Variants in IGSF3 observed in about 807,000 individuals in gnomAD.
IGSF3 encodes the protein immunoglobulin superfamily member 3.
In IGSF3, 23 loss-of-function variants were observed where a neutral mutation model predicts 114.4. The observed-to-expected ratio is 0.20, with a 90% CI of 0.14 to 0.28. IGSF3 has a LOEUF of 0.28. IGSF3 is among the 10% of genes least tolerant of loss of function. The pLI, the probability that IGSF3 is intolerant of heterozygous loss-of-function variation, is 1.00. For missense variants in IGSF3, 1,172 were observed against 1,591.5 expected (o/e 0.74, Z 4.48); for synonymous variants, 571 against 645.2 (o/e 0.88, Z 1.74).
chr1:116,653,204 C>T (rs1307786477), intron 2 of IGSF3, among the ~76,000 whole-genome samples: 1 of 152,196 alleles, frequency 6.6e-6, no homozygotes, highest in Non-Finnish European at 1.5e-5. Flanking sequence ...ATCCCCGTTA[C>T]AGATCACAGA....
In IGSF3 at chr1:116,595,977, G is replaced by A. The variant is rs1236074009; in HGVS notation, c.2029+3964C>T. On this transcript the variant is annotated intron_variant, in intron 7 of 10. Transcript: ENST00000369486. The surrounding 1 kb of genome is among the most constrained non-coding windows in gnomAD (Gnocchi z 4.2). ...CAGACTAAGCTAGATCAATGGCAACGTTGACAGTGATGGCATTCCTTGAAG... is the reference window on the plus strand; with the variant it reads ...CAGACTAAGCTAGATCAATGGCAACATTGACAGTGATGGCATTCCTTGAAG... Among the ~76,000 whole-genome samples, 1 of 152,240 alleles carries A rather than the reference G, an allele frequency of 6.6e-6. No homozygotes were observed. The highest frequency in any genetic ancestry group is 6.5e-5 in the Admixed American group (1 of 15,286).
At position 116,593,577 on chromosome 1, in the gene IGSF3, CCT is replaced by C. The variant is rs1041594729; in HGVS notation, c.2030-4475_2030-4474del. On this transcript the variant is annotated intron_variant, in intron 7 of 10. Coordinates refer to ENST00000369486, the MANE Select transcript of IGSF3 (RefSeq NM_001007237.3). The surrounding 1 kb of genome is among the most constrained non-coding windows in gnomAD (Gnocchi z 4.5). ...GCCTGCCAGTCAAACTGTTACTACC[CCT>C]GAGTCCCTCTGTCCTTAACACCCCT... 6.6e-6 allele frequency among the ~76,000 whole-genome samples: 1 copy of C among 152,210 alleles called. No individual in the cohort carries two copies. The highest frequency in any genetic ancestry group is 2.4e-5 in the African/African-American group (1 of 41,456).
Position 116,656,364 on chromosome 1 carries a change from A to G in IGSF3, c.43+9920T>C, listed in dbSNP as rs540453181. The stretch of plus-strand genomic sequence containing the variant: ...TGCCCAGGCTGGAGTGCAGTGGCGC[A>G]ATCTCGGCTCACTGCAAGCTCCGCC... On this transcript the variant is annotated intron_variant, in intron 2 of 10. Transcript: ENST00000369486. 3.6e-5 allele frequency among the ~76,000 whole-genome samples: 5 copies of G among 139,784 alleles called. No homozygotes were observed. In the South Asian group the frequency reaches 1.1e-3, roughly 31 times the overall value. 91.7% of individuals were successfully genotyped at this position (139,784 alleles called of 152,430 possible).
intron 2 of IGSF3, among the ~76,000 whole-genome samples, chr1:116,637,273 G>A (rs2095721): frequency 6.6e-6 from 1 of 152,202 alleles, no homozygotes; most frequent in Non-Finnish European, 1.5e-5. Context: ...ACTTTGAACT[G>A]AAATTGGGCT....
At position 116,624,838 on chromosome 1, in the gene IGSF3, T is replaced by C. The variant is rs556407203; in HGVS notation, c.44-8381A>G. 1.1e-4 allele frequency among the ~76,000 whole-genome samples: 17 copies of C among 152,238 alleles called. No individual in the cohort carries two copies. Among genetic ancestry groups the C allele is most frequent in the African/African-American group, 3.4e-4 (14 of 41,536 alleles). ...ATGCTGTGAGGGGGCCCAAGGCACA[T>C]GGAGAGGCCCTGGGCAGGTGCTCCA... is the stretch of plus-strand genomic sequence containing the variant. On this transcript the variant is annotated intron_variant, in intron 2 of 10. Coordinates refer to ENST00000369486, the MANE Select transcript of IGSF3 (RefSeq NM_001007237.3). The surrounding 1 kb of genome is among the most constrained non-coding windows in gnomAD (Gnocchi z 4.9).
rs1659320974 is a variant in IGSF3, at chr1:116,575,851, T to G, written c.*1461A>C. 1 of 152,090 alleles carries G rather than the reference T, an allele frequency of 6.6e-6. No individual in the cohort carries two copies. Among genetic ancestry groups the G allele is most frequent in the South Asian group, 2.1e-4 (1 of 4,832 alleles). 9.4% of individuals were successfully genotyped at this position (152,090 alleles called of 1,614,324 possible). A position where few individuals can be genotyped will look rare whatever the true frequency, so the allele number is the denominator to read the frequency against. On this transcript the variant is annotated 3_prime_UTR_variant, in exon 11 of 11. Transcript: ENST00000369486. The surrounding 1 kb of genome is among the most constrained non-coding windows in gnomAD (Gnocchi z 5.6). Reference sequence around the variant, plus strand: ...AGCCATCATGGGGCTCAAGGGGCGTTAAAATAAAAAGCCACCATAACAATG... The same window carrying G: ...AGCCATCATGGGGCTCAAGGGGCGTGAAAATAAAAAGCCACCATAACAATG...
rs756354322 is a variant in IGSF3 at position 116,603,811 on chromosome 1, G to C, written c.1437C>G (p.Ser479Arg). 6.2e-7 allele frequency: 1 copy of C among 1,614,008 alleles called. No homozygotes were observed. Among genetic ancestry groups the C allele is most frequent in the South Asian group, 1.1e-5 (1 of 91,080 alleles). ...GCTCCATCTGGACGCCCCCAAAGCTGCTGCGCTCCCAGTAGGACGAGCCTG... is the reference window on the plus strand; with the variant it reads ...GCTCCATCTGGACGCCCCCAAAGCTCCTGCGCTCCCAGTAGGACGAGCCTG... Reference protein sequence around the residue: ...VQPGSSYWERSSFGGVQMEQV... With the variant: ...VQPGSSYWERRSFGGVQMEQV... Residue 479 changes from serine to arginine, a missense_variant, in exon 6 of 11, where the codon AGC becomes AGG. By Grantham distance (110) the Ser-to-Arg change is moderately radical (BLOSUM62 -1). Around this residue, in one of 3 missense-constraint regions of IGSF3, gnomAD observed 736 missense variants for 1,042.0 expected, o/e 0.71. Transcript: ENST00000369486. The surrounding 1 kb of genome is among the most constrained non-coding windows in gnomAD (Gnocchi z 7.1).
chr1:116,579,257 T>A lies in IGSF3; in HGVS notation c.3334+135A>T. On this transcript the variant is annotated intron_variant, in intron 10 of 10. Transcript: ENST00000369486. The surrounding 1 kb of genome is among the most constrained non-coding windows in gnomAD (Gnocchi z 6.4). ...TGAACTAATATGTCCAATCCCACCA[T>A]ATCTCAAATCCTACTAATAAATGCC... 1 of 1,172,356 alleles carries A rather than the reference T, an allele frequency of 8.5e-7. No homozygotes were observed. Among genetic ancestry groups the A allele is most frequent in the Non-Finnish European group, 1.2e-6 (1 of 836,646 alleles). The allele number at this position is 1,172,356 out of a possible 1,614,324, so 72.6% of individuals were successfully genotyped here. A position where few individuals can be genotyped will look rare whatever the true frequency, so the allele number is the denominator to read the frequency against.
At chr1:116,621,558 T>C (rs929523394) in intron 2 of IGSF3, among the ~76,000 whole-genome samples, 1 of 152,206 alleles carries the variant, frequency 6.6e-6, no homozygotes, top group Non-Finnish European at 1.5e-5. Flanking sequence ...CCACAGAAAC[T>C]GTGAGATAAT....
intron 2 of IGSF3, among the ~76,000 whole-genome samples, chr1:116,619,314 CG>C (rs1369768001): frequency 6.6e-6 from 1 of 152,182 alleles, no homozygotes; most frequent in African/African-American, 2.4e-5. Context: ...CAAAGGCACT[CG>C]GCCAGCGGAT....
rs1008359326 is a variant in IGSF3 at position 116,632,506 on chromosome 1, C to T, written c.44-16049G>A. Among the ~76,000 whole-genome samples, 4 of 152,190 alleles carry T rather than the reference C, an allele frequency of 2.6e-5. No homozygotes were observed. Among genetic ancestry groups the T allele is most frequent in the South Asian group, 2.1e-4 (1 of 4,820 alleles). The stretch of plus-strand genomic sequence containing the variant: ...ACGCAGCATACTGAATGAGAAGCCT[C>T]GCAGGCAGAGAAGAAAGCAAACCTG... On this transcript the variant is annotated intron_variant, in intron 2 of 10. Transcript: ENST00000369486. The surrounding 1 kb of genome is among the most constrained non-coding windows in gnomAD (Gnocchi z 5.1).
chr1:116,602,530 C>A (rs965718721), intron 6 of IGSF3, among the ~76,000 whole-genome samples: 33 of 152,088 alleles, frequency 2.2e-4, no homozygotes, highest in Admixed American at 1.3e-3. Context: ...ATAATTACTG[C>A]AAAAAGCAGG....
rs1171668250 is a variant in IGSF3 at position 116,577,347 on chromosome 1, G to T, written c.3550C>A (p.Pro1184Thr). The T allele has an allele frequency of 6.2e-7, 1 of 1,614,136 alleles. No homozygotes were observed. The highest frequency in any genetic ancestry group is 2.2e-5 in the East Asian group (1 of 44,886). Residue 1184 changes from proline (P) to threonine (T), a missense_variant, in exon 11 of 11, where the codon CCT (proline) becomes ACT (threonine). By Grantham distance (38) the Pro-to-Thr change is conservative (BLOSUM62 -1). Coordinates refer to ENST00000369486, the MANE Select transcript of IGSF3 (RefSeq NM_001007237.3). This position sits in a 1 kb window ranked among gnomAD's most constrained non-coding sequence, Gnocchi z 5.7. The stretch of plus-strand genomic sequence containing the variant: ...GCCCCTGGATGGATACTGAGAACAG[G>T]GGGCTCCAGGCAAGTAGGGGAGTAG... ...LNYSPTCLEPPVLSIHPGAID is the reference protein window; with the variant it reads ...LNYSPTCLEPTVLSIHPGAID
intron 6 of IGSF3, among the ~76,000 whole-genome samples, chr1:116,602,248 T>C (rs1041115734): frequency 6.6e-6 from 1 of 152,048 alleles, no homozygotes; most frequent in South Asian, 2.1e-4. Flanking sequence ...CCACCAGACA[T>C]ATGGTGAGTA....
At chr1:116,666,173 C>G in intron 2 of IGSF3, 111 bp downstream of exon 2, 1 of 1,046,804 alleles carries the variant, frequency 9.6e-7, no homozygotes, top group Non-Finnish European at 1.5e-6. Context: ...CCGACCGCCT[C>G]CTGGTGTCCC....
chr1:116,590,075 G>A (rs1660037330), intron 7 of IGSF3, among the ~76,000 whole-genome samples: 2 of 151,936 alleles, frequency 1.3e-5, no homozygotes, highest in Non-Finnish European at 2.9e-5. Flanking sequence ...GGGGGAGAGG[G>A]GGCTTCCTCT....
chr1:116,634,858 G>A lies in IGSF3; in HGVS notation c.44-18401C>T, dbSNP rs566645613. 5.2e-4 allele frequency among the ~76,000 whole-genome samples: 79 copies of A among 152,154 alleles called. No individual in the cohort carries two copies. Among genetic ancestry groups the A allele is most frequent in the African/African-American group, 1.8e-3 (76 of 41,522 alleles). ...GACACACATTTGGAGCCTGAGTTGCGGTGTAAGCCATCTGCCTGCTCCGAG... is the reference window on the plus strand; with the variant it reads ...GACACACATTTGGAGCCTGAGTTGCAGTGTAAGCCATCTGCCTGCTCCGAG... On this transcript the variant is annotated intron_variant, in intron 2 of 10. Coordinates refer to ENST00000369486, the MANE Select transcript of IGSF3 (RefSeq NM_001007237.3). The surrounding 1 kb of genome is among the most constrained non-coding windows in gnomAD (Gnocchi z 4.2).
At chr1:116,631,918 T>C (rs961795719) in intron 2 of IGSF3, among the ~76,000 whole-genome samples, 42 of 152,316 alleles carry the variant, frequency 2.8e-4, no homozygotes, top group African/African-American at 9.1e-4. Flanking sequence ...AAGGCCACTT[T>C]AAAATACCTG....
chr1:116,585,601 T>C lies in IGSF3; in HGVS notation c.2441-549A>G, dbSNP rs1659807604. Reference sequence around the variant, plus strand: ...AAACCCACACAGGTTCCTTCTCAGGTTGGGAATGGAACTGATATGACATCA... The same window carrying C: ...AAACCCACACAGGTTCCTTCTCAGGCTGGGAATGGAACTGATATGACATCA... On this transcript the variant is annotated intron_variant, in intron 8 of 10. Coordinates refer to ENST00000369486, the MANE Select transcript of IGSF3 (RefSeq NM_001007237.3). This position sits in a 1 kb window ranked among gnomAD's most constrained non-coding sequence, Gnocchi z 4.9. 6.6e-6 allele frequency among the ~76,000 whole-genome samples: 1 copy of C among 152,036 alleles called. No homozygotes were observed. Among genetic ancestry groups the C allele is most frequent in the African/African-American group, 2.4e-5 (1 of 41,368 alleles).
Sources: allele counts gnomAD v4.1 joint callset (sites outside exome capture counted in the v4.1 genomes callset), GRCh38; gene constraint gnomAD v4.1.1; regional missense constraint gnomAD v4.1.1; non-coding constraint Gnocchi (gnomAD v3.1); transcripts MANE v1.5; gene names NCBI Gene and HGNC (gene_info 2026-07-23, HGNC 2026-07-21).